The following NPM1 variants were observed in gnomAD, a reference collection of about 807,000 sequenced individuals.
The protein encoded by NPM1 is nucleophosmin 1.
A neutral mutation model predicts 44.1 loss-of-function variants in NPM1; 1 was observed. That is an observed-to-expected ratio of 0.02 (90% CI 0.01 to 0.11). The LOEUF (loss-of-function observed/expected upper bound fraction) is 0.11, where lower values mean the gene tolerates loss of function less well. Ranked by LOEUF, NPM1 falls within the 10% of genes least tolerant of loss-of-function variation. The pLI is 1.00. For missense variants in NPM1, 197 were observed against 347.8 expected (o/e 0.57, Z 3.45); for synonymous variants, 126 against 111.8 (o/e 1.13, Z -0.80).
intron 8 of NPM1, among the ~76,000 whole-genome samples, chr5:171,403,644 C>G (rs1771368609): frequency 2.2e-5 from 3 of 135,028 alleles, no homozygotes. Context: ...GGGCTGACCC[C>G]CCCCACCTCC....
chr5:171,407,810 G>GT (rs749083497), intron 10 of NPM1, 36 bp downstream of exon 10: 110 of 1,321,564 alleles, frequency 8.3e-5, no homozygotes, highest in African/African-American at 6.4e-4. Flanking sequence ...TTAAATCCAA[G>GT]TTTTTTTGTG....
chr5:171,402,976 T>C lies in NPM1; in HGVS notation c.669+2051T>C, dbSNP rs1195897282. Among the ~76,000 whole-genome samples the C allele has an allele frequency of 5.0e-3, 702 of 140,562 alleles. 9 individuals carry two copies. Among genetic ancestry groups the C allele is most frequent in the African/African-American group, 0.017 (622 of 37,654 alleles). 92.2% of individuals were successfully genotyped at this position (140,562 alleles called of 152,430 possible). A position where few individuals can be genotyped will look rare whatever the true frequency, so the allele number is the denominator to read the frequency against. On this transcript the variant is annotated intron_variant, in intron 8 of 10. Coordinates refer to ENST00000296930, the MANE Select transcript of NPM1 (RefSeq NM_002520.7). The stretch of plus-strand genomic sequence containing the variant: ...TCTTTTTTTTTTTTTTCATTTTATT[T>C]ATTTATTTATTTATTTTTTATTTTT...
intron 6 of NPM1, among the ~76,000 whole-genome samples, chr5:171,398,826 C>A (rs1771043919): frequency 6.6e-6 from 1 of 152,176 alleles, no homozygotes; most frequent in African/African-American, 2.4e-5. Flanking sequence ...CTATCCTTAA[C>A]ATGTAAGAAC....
intron 8 of NPM1, among the ~76,000 whole-genome samples, chr5:171,404,015 C>T (rs1186614016): frequency 2.6e-5 from 2 of 75,744 alleles, no homozygotes; most frequent in African/African-American, 5.6e-5. Context: ...GGGCTCCTCA[C>T]TTCCCAGTAG....
intron 1 of NPM1, 101 bp from the exon 2 acceptor site, chr5:171,389,950 A>G (rs1770487972): frequency 1.4e-6 from 1 of 696,954 alleles, no homozygotes; most frequent in Admixed American, 3.0e-5. Context: ...AAAATAGTGA[A>G]AAACTAGTTC....
chr5:171,403,960 G>C lies in NPM1; in HGVS notation c.670-1342G>C, dbSNP rs574613853. On this transcript the variant is annotated intron_variant, in intron 8 of 10. Transcript: ENST00000296930. ...GACGGGGCGGCTGGCCGGGTGGGGG[G>C]GCTGACCCCCCCATCTCCCGGACGG... Among the ~76,000 whole-genome samples, 3 of 81,744 alleles carry C rather than the reference G, an allele frequency of 3.7e-5. No homozygotes were observed. In the East Asian group the frequency reaches 1.6e-3, roughly 44 times the overall value. The allele number at this position is 81,744 out of a possible 152,430, so 53.6% of individuals were successfully genotyped here.
At position 171,400,005 on chromosome 5, in the gene NPM1, C is replaced by G. The variant is rs1032958872; in HGVS notation, c.525-148C>G. The G allele has an allele frequency of 9.8e-6, 6 of 611,298 alleles. No homozygotes were observed. In the African/African-American group the frequency reaches 1.1e-4, roughly 11 times the overall value. 37.9% of individuals were successfully genotyped at this position (611,298 alleles called of 1,614,324 possible). Reference sequence around the variant, plus strand: ...TATACATTTTCATTTAGTCATTTAACACTTGGGTTGCTTTCACCTCTTGGC... The same window carrying G: ...TATACATTTTCATTTAGTCATTTAAGACTTGGGTTGCTTTCACCTCTTGGC... On this transcript the variant is annotated intron_variant, in intron 6 of 10. Coordinates refer to ENST00000296930, the MANE Select transcript of NPM1 (RefSeq NM_002520.7).
At chr5:171,402,949 GTTC>G (rs1184324255) in intron 8 of NPM1, among the ~76,000 whole-genome samples, 1 of 61,196 alleles carries the variant, frequency 1.6e-5, no homozygotes, top group African/African-American at 7.4e-5. Flanking sequence ...ATCTCAGGTA[GTTC>G]TTTTTTTTTT....
At chr5:171,400,684 G>A in intron 7 of NPM1, 155 bp from the exon 8 acceptor site, 1 of 555,046 alleles carries the variant, frequency 1.8e-6, no homozygotes, top group East Asian at 3.1e-5. Context: ...CTGACCTCGT[G>A]ATCCACCTGC....
At chr5:171,402,976 T>TTTTTTTTTTTTTTTTTTTTTTC (rs1561872990) in intron 8 of NPM1, among the ~76,000 whole-genome samples, 1 of 140,742 alleles carries the variant, frequency 7.1e-6, no homozygotes, top group African/African-American at 2.6e-5. Flanking sequence ...TCATTTTATT[T>TTTTTTTTTTTTTTTTTTTTTTC]ATTTATTTAT....
rs190618063 is a variant in NPM1, at chr5:171,397,105, A to T, written c.525-3048A>T. ...ATTACCCCTCATGCTCTTCAGCTCT[A>T]GTCAACCACGAATGAACTTTGTCTA... On this transcript the variant is annotated intron_variant, in intron 6 of 10. Transcript: ENST00000296930. Among the ~76,000 whole-genome samples, 5 of 152,290 alleles carry T rather than the reference A, an allele frequency of 3.3e-5. No homozygotes were observed. In the East Asian group the frequency reaches 9.7e-4, roughly 29 times the overall value.
chr5:171,395,418 G>A (rs966630806), intron 6 of NPM1, among the ~76,000 whole-genome samples: 22 of 151,962 alleles, frequency 1.4e-4, no homozygotes, highest in African/African-American at 4.8e-4. Context: ...TCCTGCCTCG[G>A]CCTCCAGAGT....
chr5:171,398,499 G>C (rs1007213075), intron 6 of NPM1, among the ~76,000 whole-genome samples: 2 of 152,174 alleles, frequency 1.3e-5, no homozygotes, highest in African/African-American at 4.8e-5. Flanking sequence ...TTATGGCTGG[G>C]TGTGGTGGCT....
intron 3 of NPM1, 63 bp downstream of exon 3, chr5:171,391,487 G>A: frequency 6.3e-7 from 1 of 1,586,520 alleles, no homozygotes; most frequent in South Asian, 1.1e-5. Context: ...AGGTAGGTTT[G>A]GTGTCATTTA....
At chr5:171,404,993 A>G (rs1214928570) in intron 8 of NPM1, among the ~76,000 whole-genome samples, 1 of 152,006 alleles carries the variant, frequency 6.6e-6, no homozygotes, top group African/African-American at 2.4e-5. Context: ...GTTGAAGTAC[A>G]GTGGTATGAT....
intron 9 of NPM1, among the ~76,000 whole-genome samples, chr5:171,407,283 G>A (rs1020008478): frequency 1.3e-5 from 2 of 152,134 alleles, no homozygotes; most frequent in East Asian, 3.8e-4. Flanking sequence ...GTGTTTTGTG[G>A]GGTTTTGTTT....
At chr5:171,402,146 A>G (rs938923855) in intron 8 of NPM1, among the ~76,000 whole-genome samples, 4 of 150,640 alleles carry the variant, frequency 2.7e-5, no homozygotes, top group Non-Finnish European at 4.4e-5. Context: ...TATTGACTAA[A>G]TGTAACTAAT....
chr5:171,397,325 T>C (rs1770958502), intron 6 of NPM1, among the ~76,000 whole-genome samples: 2 of 152,228 alleles, frequency 1.3e-5, no homozygotes, highest in Non-Finnish European at 1.5e-5. Flanking sequence ...TTGACTGCTA[T>C]GAACGCTTGT....
chr5:171,389,915 C>T (rs938139979), intron 1 of NPM1, 136 bp from the exon 2 acceptor site: 1 of 620,598 alleles, frequency 1.6e-6, no homozygotes, highest in Middle Eastern at 4.1e-4. Context: ...AGGAATTGAT[C>T]ATTCTGCTTT....
Sources: allele counts gnomAD v4.1 joint callset (sites outside exome capture counted in the v4.1 genomes callset), GRCh38; gene constraint gnomAD v4.1.1; transcripts MANE v1.5; gene names NCBI Gene and HGNC (gene_info 2026-07-23, HGNC 2026-07-21).